C2orf42: variants seen among roughly 807,000 people sequenced by gnomAD.
C2orf42 encodes chromosome 2 open reading frame 42, also known as uncharacterized protein C2orf42.
In C2orf42, 44 loss-of-function variants were observed where a neutral mutation model predicts 58.9. The observed-to-expected ratio is 0.75, with a 90% CI of 0.59 to 0.96. C2orf42 has a LOEUF of 0.96. Ranked by LOEUF, C2orf42 falls within the 40% of genes least tolerant of loss-of-function variation. C2orf42 has a pLI of 0.00. For synonymous variants in C2orf42, 239 were observed against 265.4 expected, an observed-to-expected ratio of 0.90 and a Z score of 0.97; for missense variants, 630 against 699.2, an observed-to-expected ratio of 0.90 and a Z score of 1.12.
At chr2:70,164,514 C>T (rs1673272343) in intron 8 of C2orf42, among the ~76,000 whole-genome samples, 1 of 151,928 alleles carries the variant, frequency 6.6e-6, no homozygotes, top group African/African-American at 2.4e-5. Flanking sequence ...TGCCTGTAAT[C>T]CCAGCTAGCC....
chr2:70,171,047 G>A (rs1034679315), intron 5 of C2orf42, among the ~76,000 whole-genome samples: 31 of 151,936 alleles, frequency 2.0e-4, no homozygotes, highest in African/African-American at 3.1e-4. Flanking sequence ...CCCGGGAGGC[G>A]GAGCTTGCAG....
intron 1 of C2orf42, among the ~76,000 whole-genome samples, chr2:70,185,014 C>T (rs545436043): frequency 3.2e-4 from 49 of 151,430 alleles, no homozygotes; most frequent in African/African-American, 1.1e-3. Context: ...GGCGTGAACC[C>T]GGGAGACAGA....
intron 9 of C2orf42, among the ~76,000 whole-genome samples, chr2:70,154,854 C>T (rs1443320665): frequency 6.6e-6 from 1 of 152,100 alleles, no homozygotes; most frequent in Non-Finnish European, 1.5e-5. Context: ...CTCCAGGGCC[C>T]AAGCGATCCT....
rs1255982106 is a variant in C2orf42 at position 70,160,783 on chromosome 2, G to A, written c.1358C>T (p.Pro453Leu). 1.3e-6 allele frequency: 2 copies of A among 1,589,666 alleles called. No homozygotes were observed. The highest frequency in any genetic ancestry group is 1.7e-6 in the Non-Finnish European group (2 of 1,171,794). ...VKQILDTPEM[P>L]LEITRSFIQN... is the part of the protein sequence containing the mutation. ...GATAAAGCTACGGGTGATTTCCAAG[G>A]GCATCTGGACACCAAGACAATACCA... Residue 453 changes from proline (P) to leucine (L), a missense_variant, in exon 9 of 10, where the codon CCC (proline) becomes CTC (leucine). By Grantham distance (98) the Pro-to-Leu change is moderately conservative (BLOSUM62 -3). Coordinates refer to ENST00000264434, the MANE Select transcript of C2orf42 (RefSeq NM_017880.3).
At chr2:70,183,765 T>C (rs550659413) in intron 1 of C2orf42, among the ~76,000 whole-genome samples, 2 of 151,658 alleles carry the variant, frequency 1.3e-5, no homozygotes, top group Non-Finnish European at 2.9e-5. Context: ...AGAGCTATGT[T>C]ATATAATTGG....
intron 5 of C2orf42, among the ~76,000 whole-genome samples, chr2:70,170,773 C>A (rs890270984): frequency 6.8e-6 from 1 of 147,702 alleles, no homozygotes; most frequent in Admixed American, 6.8e-5. Flanking sequence ...AAAGAAAATA[C>A]GAAATGAGAA....
At chr2:70,175,177 G>A (rs1414319151) in intron 5 of C2orf42, among the ~76,000 whole-genome samples, 2 of 152,084 alleles carry the variant, frequency 1.3e-5, no homozygotes, top group Admixed American at 1.3e-4. Context: ...GGCCAGGCTG[G>A]CCTCGAACTG....
chr2:70,187,761 C>G (rs1282133738), intron 1 of C2orf42, among the ~76,000 whole-genome samples: 16 of 145,910 alleles, frequency 1.1e-4, no homozygotes, highest in Middle Eastern at 7.9e-3. Context: ...CGTGATCTCA[C>G]CTCACTGCAA....
At chr2:70,156,281 C>A (rs1395010977) in intron 9 of C2orf42, among the ~76,000 whole-genome samples, 1 of 151,886 alleles carries the variant, frequency 6.6e-6, no homozygotes, top group Non-Finnish European at 1.5e-5. Context: ...AGAGGATAGA[C>A]CATTAAAATT....
chr2:70,150,806 C>T (rs966025951), intron 9 of C2orf42, among the ~76,000 whole-genome samples: 4 of 152,270 alleles, frequency 2.6e-5, no homozygotes, highest in South Asian at 4.1e-4. Flanking sequence ...AGTGCAGTGG[C>T]GCAATCTCAG....
intron 9 of C2orf42, among the ~76,000 whole-genome samples, chr2:70,152,869 C>T (rs1239593122): frequency 1.3e-5 from 2 of 152,078 alleles, no homozygotes; most frequent in Non-Finnish European, 2.9e-5. Context: ...TCCGTCTCTA[C>T]TAAAAATACA....
chr2:70,182,666 C>A lies in C2orf42; in HGVS notation c.-13+1G>T, dbSNP rs1025184304. On this transcript the variant is annotated splice_donor_variant, in intron 2 of 9. Coordinates refer to ENST00000264434, the MANE Select transcript of C2orf42 (RefSeq NM_017880.3). LOFTEE classifies it low-confidence loss of function (5UTR_SPLICE). ...CCCCACAAAACCTAGCCCAATCCTA[C>A]CTGTACCAGCTGCCAAGGCATCTGG... The A allele has an allele frequency of 1.3e-5, 2 of 152,164 alleles. No homozygotes were observed. 9.4% of individuals were successfully genotyped at this position (152,164 alleles called of 1,614,324 possible). A position where few individuals can be genotyped will look rare whatever the true frequency, so the allele number is the denominator to read the frequency against.
chr2:70,184,850 G>C (rs1404833650), intron 1 of C2orf42, among the ~76,000 whole-genome samples: 1 of 151,754 alleles, frequency 6.6e-6, no homozygotes, highest in Non-Finnish European at 1.5e-5. Flanking sequence ...CAGCACTTTG[G>C]GAGGCCGAGG....
chr2:70,174,541 A>G (rs1457451057), intron 5 of C2orf42, among the ~76,000 whole-genome samples: 7 of 152,130 alleles, frequency 4.6e-5, no homozygotes, highest in South Asian at 4.1e-4. Context: ...ATGCATGCAT[A>G]TAGTTCCATG....
chr2:70,190,608 C>G (rs576465283), intron 1 of C2orf42: 1 of 152,168 alleles, frequency 6.6e-6, no homozygotes, highest in Non-Finnish European at 1.5e-5. Context: ...AGCACATCAG[C>G]CCTCAACGGC....
At chr2:70,186,784 T>C (rs1480243221) in intron 1 of C2orf42, among the ~76,000 whole-genome samples, 1 of 152,166 alleles carries the variant, frequency 6.6e-6, no homozygotes, top group Non-Finnish European at 1.5e-5. Context: ...TAAAAAATGA[T>C]GAGTTCATGT....
chr2:70,188,618 G>A (rs190187081), intron 1 of C2orf42, among the ~76,000 whole-genome samples: 97 of 152,166 alleles, frequency 6.4e-4, no homozygotes, highest in Non-Finnish European at 3.4e-4. Context: ...ATATAAACAT[G>A]GGACATTTGT....
intron 9 of C2orf42, among the ~76,000 whole-genome samples, chr2:70,153,642 G>A (rs1672452550): frequency 7.0e-6 from 1 of 142,136 alleles, no homozygotes; most frequent in Non-Finnish European, 1.5e-5. Flanking sequence ...ATCTTAATCT[G>A]TTCAGTAATA....
At chr2:70,165,215 A>G in intron 7 of C2orf42, 23 bp from the exon 8 acceptor site, 1 of 1,333,014 alleles carries the variant, frequency 7.5e-7, no homozygotes, top group Admixed American at 1.8e-5. Context: ...AAAAGGACAA[A>G]ATTAGATTAC....
Sources: allele counts gnomAD v4.1 joint callset (sites outside exome capture counted in the v4.1 genomes callset), GRCh38; gene constraint gnomAD v4.1.1; transcripts MANE v1.5; gene names NCBI Gene and HGNC (gene_info 2026-07-23, HGNC 2026-07-21).